QRFPR: variants seen among roughly 807,000 people sequenced by gnomAD.
QRFPR encodes pyroglutamylated RFamide peptide receptor.
QRFPR carries 37 observed loss-of-function variants against 31.3 expected under a neutral mutation model. The observed-to-expected ratio is 1.18, with a 90% CI of 0.91 to 1.56. The LOEUF (loss-of-function observed/expected upper bound fraction) is 1.56, where lower values mean the gene tolerates loss of function less well. Among genes scored for constraint, QRFPR ranks in the 40% most tolerant of loss-of-function variants. The pLI, the probability that QRFPR is intolerant of heterozygous loss-of-function variation, is 0.00. For synonymous variants in QRFPR, 197 were observed against 192.0 expected, an observed-to-expected ratio of 1.03 and a Z score of -0.22; for missense variants, 542 against 532.5, an observed-to-expected ratio of 1.02 and a Z score of -0.18.
At position 121,340,609 on chromosome 4, in the gene QRFPR, A is replaced by C; in HGVS notation, c.342T>G (p.Gly114=). The stretch of plus-strand genomic sequence containing the variant: ...ATGGCACCATCTTGCAAATGAAAGC[A>C]CCTGCAGTAAGGAAATAGGACAAAT... ...LQNISDNWLG[G]AFICKMVPFV... The change falls in exon 2 of 6, where the codon GGT becomes GGG. Residue 114 remains glycine (G), a splice_region_variant and synonymous_variant. Transcript: ENST00000394427. 4 of 1,613,258 alleles carry C rather than the reference A, an allele frequency of 2.5e-6. No individual in the cohort carries two copies. The highest frequency in any genetic ancestry group is 3.4e-6 in the Non-Finnish European group (4 of 1,179,370).
intron 1 of QRFPR, among the ~76,000 whole-genome samples, chr4:121,347,080 A>G (rs1233781694): frequency 6.6e-6 from 1 of 152,200 alleles, no homozygotes; most frequent in Non-Finnish European, 1.5e-5. Flanking sequence ...GTTTTCTGGA[A>G]GAGTTTGTGT....
intron 1 of QRFPR, among the ~76,000 whole-genome samples, chr4:121,375,511 T>C (rs1459769443): frequency 6.6e-6 from 1 of 152,244 alleles, no homozygotes; most frequent in Non-Finnish European, 1.5e-5. Flanking sequence ...GTGCCATTAA[T>C]AATACTTTAG....
chr4:121,331,035 G>A (rs547495223), intron 4 of QRFPR, among the ~76,000 whole-genome samples: 1 of 152,084 alleles, frequency 6.6e-6, no homozygotes, highest in East Asian at 1.9e-4. Flanking sequence ...GGAGGACAGG[G>A]CAGGAGAATT....
intron 4 of QRFPR, among the ~76,000 whole-genome samples, chr4:121,331,193 T>C (rs1725317063): frequency 7.1e-6 from 1 of 141,682 alleles, no homozygotes; most frequent in African/African-American, 2.6e-5. Flanking sequence ...TTTTTTTTTT[T>C]TTTTTTTTTG....
At chr4:121,343,403 C>T (rs186013365) in intron 1 of QRFPR, among the ~76,000 whole-genome samples, 15 of 152,304 alleles carry the variant, frequency 9.8e-5, no homozygotes, top group Admixed American at 9.2e-4. Flanking sequence ...ACCCAAGAAC[C>T]AATCCCACTC....
chr4:121,378,677 C>T (rs1318220147), intron 1 of QRFPR, among the ~76,000 whole-genome samples: 1 of 152,132 alleles, frequency 6.6e-6, no homozygotes, highest in Non-Finnish European at 1.5e-5. Context: ...CCCGCCTCGG[C>T]CTCCCAAAGT....
chr4:121,378,675 G>A (rs986174050), intron 1 of QRFPR, among the ~76,000 whole-genome samples: 21 of 151,884 alleles, frequency 1.4e-4, no homozygotes, highest in Admixed American at 1.1e-3. Flanking sequence ...CGCCCGCCTC[G>A]GCCTCCCAAA....
intron 1 of QRFPR, among the ~76,000 whole-genome samples, chr4:121,352,789 C>A (rs1725788785): frequency 6.6e-6 from 1 of 151,964 alleles, no homozygotes; most frequent in South Asian, 2.1e-4. Flanking sequence ...AACATAGTCA[C>A]CCTATTGTGC....
intron 1 of QRFPR, among the ~76,000 whole-genome samples, chr4:121,365,595 T>TATA (rs1560744009): frequency 0.2 from 836 of 4,216 alleles, 99 homozygotes; most frequent in East Asian, 0.27. Context: ...ATATATTATA[T>TATA]ATATATAATA....
At chr4:121,368,781 G>C (rs962667704) in intron 1 of QRFPR, among the ~76,000 whole-genome samples, 1 of 133,466 alleles carries the variant, frequency 7.5e-6, no homozygotes, top group African/African-American at 2.8e-5. Context: ...AAGGAATCAA[G>C]AAGCCTGGGT....
chr4:121,368,783 A>G (rs538990158), intron 1 of QRFPR, among the ~76,000 whole-genome samples: 1 of 133,592 alleles, frequency 7.5e-6, no homozygotes, highest in East Asian at 2.4e-4. Context: ...GGAATCAAGA[A>G]GCCTGGGTTT....
At position 121,367,241 on chromosome 4, in the gene QRFPR, G is replaced by A. The variant is rs1726147969; in HGVS notation, c.340+13067C>T. ...CTAGGAACATTGGTGTTGCAACATT[G>A]TGCCCACAGTCTGGGTGGCCTGGAA... On this transcript the variant is annotated intron_variant, in intron 1 of 5. Transcript: ENST00000394427. Among the ~76,000 whole-genome samples, 2 of 149,880 alleles carry A rather than the reference G, an allele frequency of 1.3e-5. 1 individual carries two copies. The highest frequency in any genetic ancestry group is 4.9e-5 in the African/African-American group (2 of 40,414).
At chr4:121,340,313 A>C (rs1294321862) in intron 2 of QRFPR, 139 bp downstream of exon 2, 1 of 889,950 alleles carries the variant, frequency 1.1e-6, no homozygotes, top group Non-Finnish European at 1.7e-6. Flanking sequence ...GCAAACAGGG[A>C]AAGCACTGAA....
At chr4:121,356,158 T>C (rs1261288191) in intron 1 of QRFPR, among the ~76,000 whole-genome samples, 1 of 152,218 alleles carries the variant, frequency 6.6e-6, no homozygotes, top group Non-Finnish European at 1.5e-5. Context: ...AAGTGAGGTG[T>C]TGAAGTACCC....
rs375723469 is a variant in QRFPR, at chr4:121,336,821, C to T, written c.547G>A (p.Val183Met). The T allele has an allele frequency of 1.0e-4, 168 of 1,613,676 alleles. No homozygotes were observed. In the South Asian group the frequency reaches 1.7e-3, roughly 16 times the overall value. ...AVIVGSPMWHVQQLEIKYDFL... is the reference protein window; with the variant it reads ...AVIVGSPMWHMQQLEIKYDFL... ...CTGGAGTCTACCTCAAGTTGTTGCA[C>T]GTGCCACATGGGTGATCCTACGATG... is the stretch of plus-strand genomic sequence containing the variant. Residue 183 changes from valine (V) to methionine (M), a missense_variant, in exon 3 of 6, where the codon GTG becomes ATG. Transcript: ENST00000394427.
chr4:121,359,633 A>G (rs369340687), intron 1 of QRFPR, among the ~76,000 whole-genome samples: 40 of 150,112 alleles, frequency 2.7e-4, no homozygotes, highest in Non-Finnish European at 4.1e-4. Flanking sequence ...TCATATATAT[A>G]TGTGTGTGTG....
chr4:121,367,271 A>G (rs1726148417), intron 1 of QRFPR, among the ~76,000 whole-genome samples: 1 of 149,940 alleles, frequency 6.7e-6, no homozygotes, highest in South Asian at 2.1e-4. Flanking sequence ...CTGGAAAGAC[A>G]CATGAGCCTT....
intron 1 of QRFPR, among the ~76,000 whole-genome samples, chr4:121,377,706 T>C (rs1015074505): frequency 2.0e-5 from 3 of 152,194 alleles, no homozygotes; most frequent in Non-Finnish European, 4.4e-5. Flanking sequence ...ATCCTTTTTC[T>C]ATCAAATCCT....
At chr4:121,352,718 G>A (rs926627761) in intron 1 of QRFPR, among the ~76,000 whole-genome samples, 1 of 151,954 alleles carries the variant, frequency 6.6e-6, no homozygotes, top group African/African-American at 2.4e-5. Context: ...ATTTCTTTGT[G>A]TTAGGAACAT....
Sources: allele counts gnomAD v4.1 joint callset (sites outside exome capture counted in the v4.1 genomes callset), GRCh38; gene constraint gnomAD v4.1.1; transcripts MANE v1.5; gene names NCBI Gene and HGNC (gene_info 2026-07-23, HGNC 2026-07-21).